The following TMEFF2 variants were observed in gnomAD, a reference collection of about 807,000 sequenced individuals.
TMEFF2 encodes tomoregulin-2.
In TMEFF2, 28 loss-of-function variants were observed where a neutral mutation model predicts 53.8. That is an observed-to-expected ratio of 0.52 (90% CI 0.39 to 0.71). The LOEUF (loss-of-function observed/expected upper bound fraction) is 0.71, where lower values mean the gene tolerates loss of function less well. Among genes scored for constraint, TMEFF2 ranks in the 30% least tolerant of loss-of-function variants. The pLI is 0.00. For synonymous variants in TMEFF2, 162 were observed against 166.3 expected, an observed-to-expected ratio of 0.97 and a Z score of 0.20; for missense variants, 353 against 455.2, an observed-to-expected ratio of 0.78 and a Z score of 2.04.
intron 4 of TMEFF2, chr2:192,177,650 T>A (rs1161085753): frequency 6.6e-6 from 1 of 150,908 alleles, no homozygotes; most frequent in Non-Finnish European, 1.5e-5. Context: ...TTCTCCAAGT[T>A]ACTATGAAGC....
At chr2:192,086,808 TA>T (rs1362317711) in intron 4 of TMEFF2, among the ~76,000 whole-genome samples, 1 of 152,106 alleles carries the variant, frequency 6.6e-6, no homozygotes, top group Non-Finnish European at 1.5e-5. Flanking sequence ...GAAATATTTT[TA>T]TTTTGTTAGC....
chr2:192,057,984 A>T (rs942118554), intron 4 of TMEFF2, among the ~76,000 whole-genome samples: 2 of 152,214 alleles, frequency 1.3e-5, no homozygotes, highest in East Asian at 3.8e-4. Context: ...TGTGGTGAAC[A>T]CGTTTGCATT....
At chr2:191,992,456 C>A (rs1686129357) in intron 7 of TMEFF2, among the ~76,000 whole-genome samples, 2 of 152,016 alleles carry the variant, frequency 1.3e-5, no homozygotes, top group Non-Finnish European at 2.9e-5. Context: ...ATCAAGCAAG[C>A]ACCCTATTTA....
intron 7 of TMEFF2, among the ~76,000 whole-genome samples, chr2:191,957,453 A>G (rs1283940535): frequency 2.6e-5 from 4 of 152,182 alleles, no homozygotes; most frequent in African/African-American, 9.7e-5. Flanking sequence ...TTTTTATGAA[A>G]TGGTTTATTT....
intron 4 of TMEFF2, among the ~76,000 whole-genome samples, chr2:192,069,980 G>GTA (rs1688250113): frequency 1.2e-4 from 1 of 8,204 alleles, no homozygotes; most frequent in Non-Finnish European, 2.5e-4. Flanking sequence ...GTGTGTGTGT[G>GTA]TGTGTGTGTA....
At chr2:192,155,629 T>G (rs990958155) in intron 4 of TMEFF2, among the ~76,000 whole-genome samples, 1 of 151,924 alleles carries the variant, frequency 6.6e-6, no homozygotes, top group Non-Finnish European at 1.5e-5. Flanking sequence ...CCTGGATTGT[T>G]TTTCTCTCTA....
chr2:192,173,857 A>T (rs1423195358), intron 4 of TMEFF2, among the ~76,000 whole-genome samples: 1 of 151,796 alleles, frequency 6.6e-6, no homozygotes, highest in African/African-American at 2.4e-5. Context: ...TAATTAAAAG[A>T]TTCAAAATTC....
intron 7 of TMEFF2, among the ~76,000 whole-genome samples, chr2:191,996,016 A>AAGAT (rs1686213448): frequency 6.9e-6 from 1 of 144,928 alleles, no homozygotes; most frequent in South Asian, 2.2e-4. Flanking sequence ...ATAAAGCAGT[A>AAGAT]AGATAGGAAA....
chr2:192,097,650 A>G (rs979241201), intron 4 of TMEFF2, among the ~76,000 whole-genome samples: 14 of 152,194 alleles, frequency 9.2e-5, no homozygotes, highest in Non-Finnish European at 1.8e-4. Flanking sequence ...CAGGAATAAG[A>G]CAAATACACA....
intron 1 of TMEFF2, among the ~76,000 whole-genome samples, chr2:192,192,402 C>T (rs3768703): frequency 0.56 from 85,599 of 151,916 alleles, 24,255 homozygotes; most frequent in East Asian, 0.63. Context: ...TTTACCATTT[C>T]CCCATCTTTA....
At chr2:192,132,176 CT>C (rs1401938987) in intron 4 of TMEFF2, among the ~76,000 whole-genome samples, 4 of 152,134 alleles carry the variant, frequency 2.6e-5, no homozygotes, top group African/African-American at 7.2e-5. Context: ...TTTTTATCAC[CT>C]CCCCTCCTCA....
chr2:191,967,068 A>AAATTGGTAGTAG (rs1692493602), intron 7 of TMEFF2, among the ~76,000 whole-genome samples: 1 of 152,178 alleles, frequency 6.6e-6, no homozygotes, highest in African/African-American at 2.4e-5. Context: ...AAGTTCCATA[A>AAATTGGTAGTAG]AATTGGTAGT....
rs144207131 is a variant in TMEFF2 at position 192,088,450 on chromosome 2, C to T, written c.440-30675G>A. Among the ~76,000 whole-genome samples, 46 of 152,154 alleles carry T rather than the reference C, an allele frequency of 3.0e-4. 1 individual carries two copies. In the East Asian group the frequency reaches 8.5e-3, roughly 28 times the overall value. ...ACCTCTGTGAATTTGCAAAGAGGGCCGGGTGTCACCTGACCTGACTGGCAG... is the reference window on the plus strand; with the variant it reads ...ACCTCTGTGAATTTGCAAAGAGGGCTGGGTGTCACCTGACCTGACTGGCAG... On this transcript the variant is annotated intron_variant, in intron 4 of 9. Coordinates refer to ENST00000272771, the MANE Select transcript of TMEFF2 (RefSeq NM_016192.4).
At chr2:192,178,451 C>T (rs1559159349) in intron 4 of TMEFF2, 1 of 150,934 alleles carries the variant, frequency 6.6e-6, no homozygotes, top group Non-Finnish European at 1.5e-5. Flanking sequence ...CATCAAAGGA[C>T]TGTCCAACAT....
At chr2:192,148,901 A>T (rs551138917) in intron 4 of TMEFF2, among the ~76,000 whole-genome samples, 4 of 152,050 alleles carry the variant, frequency 2.6e-5, no homozygotes, top group East Asian at 1.9e-4. Flanking sequence ...CTAAAGTGGA[A>T]TTTTTTTTAA....
intron 5 of TMEFF2, among the ~76,000 whole-genome samples, chr2:192,015,353 A>C (rs1686722082): frequency 7.1e-6 from 1 of 141,058 alleles, no homozygotes; most frequent in Admixed American, 7.6e-5. Context: ...TAATGACTAA[A>C]ATGTATACAG....
intron 4 of TMEFF2, among the ~76,000 whole-genome samples, chr2:192,122,275 T>C (rs1337898082): frequency 6.6e-6 from 1 of 152,110 alleles, no homozygotes. Context: ...ATTTTCTTAA[T>C]GCTAAAAAAA....
intron 5 of TMEFF2, among the ~76,000 whole-genome samples, chr2:192,034,106 C>T (rs2105876344): frequency 7.0e-6 from 1 of 142,662 alleles, no homozygotes; most frequent in African/African-American, 2.7e-5. Context: ...ACCCGGGAGG[C>T]GGAGCTTGCA....
intron 4 of TMEFF2, among the ~76,000 whole-genome samples, chr2:192,096,082 T>G (rs916917183): frequency 1.3e-5 from 2 of 152,178 alleles, no homozygotes; most frequent in South Asian, 4.1e-4. Flanking sequence ...GAACACTTAC[T>G]GGCAGGAAAA....
Sources: allele counts gnomAD v4.1 joint callset (sites outside exome capture counted in the v4.1 genomes callset), GRCh38; gene constraint gnomAD v4.1.1; transcripts MANE v1.5; gene names NCBI Gene and HGNC (gene_info 2026-07-23, HGNC 2026-07-21).